The following INPP5A variants were observed in gnomAD, a reference collection of about 807,000 sequenced individuals.
The protein encoded by INPP5A is inositol polyphosphate-5-phosphatase A.
In INPP5A, 14 loss-of-function variants were observed where a neutral mutation model predicts 65.2. That is an observed-to-expected ratio of 0.21 (90% confidence interval 0.14 to 0.34). INPP5A has a LOEUF of 0.34. Among genes scored for constraint, INPP5A ranks in the 10% least tolerant of loss-of-function variants. The pLI is 1.00. For missense variants in INPP5A, 431 were observed against 545.6 expected, an observed-to-expected ratio of 0.79 and a Z score of 2.09; for synonymous variants, 207 against 208.3, an observed-to-expected ratio of 0.99 and a Z score of 0.05.
chr10:132,583,410 T>C (rs1264488589), intron 1 of INPP5A, among the ~76,000 whole-genome samples: 1 of 152,188 alleles, frequency 6.6e-6, no homozygotes, highest in South Asian at 2.1e-4. Flanking sequence ...TCCTGCCTCG[T>C]TGGGCTGGTC....
chr10:132,779,244 CT>C (rs1323377777), intron 13 of INPP5A, among the ~76,000 whole-genome samples: 1 of 152,264 alleles, frequency 6.6e-6, no homozygotes, highest in Admixed American at 6.5e-5. Context: ...GCCACTGCCC[CT>C]CTGGCTGGGC....
chr10:132,603,524 C>T lies in INPP5A; in HGVS notation c.76-4391C>T, dbSNP rs563200813. ...GAGAAACAGACACTGAAGTGAAACT[C>T]AAGGAACTTCTGAATTTGAGATAAA... On this transcript the variant is annotated intron_variant, in intron 1 of 15. Coordinates refer to ENST00000368594, the MANE Select transcript of INPP5A (RefSeq NM_005539.5). The surrounding 1 kb of genome is among the most constrained non-coding windows in gnomAD (Gnocchi z 4.2). Among the ~76,000 whole-genome samples, 1 of 152,184 alleles carries T rather than the reference C, an allele frequency of 6.6e-6. No homozygotes were observed. Among genetic ancestry groups the T allele is most frequent in the African/African-American group, 2.4e-5 (1 of 41,440 alleles).
In INPP5A at chr10:132,782,862, A is replaced by C. The variant is rs1591013229; in HGVS notation, c.*833A>C. Reference sequence around the variant, plus strand: ...CATGCCGTTCTTCTGTGTAATATTAAGAACTGAATGTGAAGTTTATAGCTA... The same window carrying C: ...CATGCCGTTCTTCTGTGTAATATTACGAACTGAATGTGAAGTTTATAGCTA... On this transcript the variant is annotated 3_prime_UTR_variant, in exon 16 of 16. Coordinates refer to ENST00000368594, the MANE Select transcript of INPP5A (RefSeq NM_005539.5). The surrounding 1 kb of genome is among the most constrained non-coding windows in gnomAD (Gnocchi z 4.4). The C allele has an allele frequency of 6.6e-6, 1 of 152,366 alleles. No homozygotes were observed. The highest frequency in any genetic ancestry group is 1.9e-4 in the East Asian group (1 of 5,188). The allele number at this position is 152,366 out of a possible 1,614,324, so 9.4% of individuals were successfully genotyped here.
intron 3 of INPP5A, among the ~76,000 whole-genome samples, chr10:132,648,963 A>G (rs973699094): frequency 1.3e-5 from 2 of 151,968 alleles, no homozygotes; most frequent in African/African-American, 4.8e-5. Flanking sequence ...TTTAAATACT[A>G]TTTTTCTTTT....
intron 9 of INPP5A, among the ~76,000 whole-genome samples, chr10:132,747,749 T>C (rs192916779): frequency 4.7e-4 from 71 of 152,298 alleles, no homozygotes; most frequent in African/African-American, 1.7e-3. Context: ...ATTATTTTCT[T>C]AAAAAAACAG....
rs1249151578 is a variant in INPP5A, at chr10:132,768,237, G to A, written c.977+2391G>A. On this transcript the variant is annotated intron_variant, in intron 12 of 15. Transcript: ENST00000368594. ...AGATCTGTGGACCCCGACCCTCAGC[G>A]TTCCCAGGGTGCCCACGCGCCCAGT... 2.1e-5 allele frequency among the ~76,000 whole-genome samples: 3 copies of A among 139,856 alleles called. No individual in the cohort carries two copies. The South Asian group carries it at 7.1e-4, about 33-fold the overall frequency. 91.8% of individuals were successfully genotyped at this position (139,856 alleles called of 152,430 possible). A position where few individuals can be genotyped will look rare whatever the true frequency, so the allele number is the denominator to read the frequency against.
chr10:132,779,191 A>G (rs1847116175), intron 13 of INPP5A, among the ~76,000 whole-genome samples: 1 of 152,234 alleles, frequency 6.6e-6, no homozygotes, highest in Non-Finnish European at 1.5e-5. Context: ...CACAAGCCCA[A>G]AAGCCCAGGA....
At chr10:132,556,490 C>T (rs2071128505) in intron 1 of INPP5A, among the ~76,000 whole-genome samples, 1 of 152,216 alleles carries the variant, frequency 6.6e-6, no homozygotes, top group Non-Finnish European at 1.5e-5. Context: ...ACACCACAGG[C>T]ACACACATGC....
intron 1 of INPP5A, among the ~76,000 whole-genome samples, chr10:132,541,949 G>A (rs541027663): frequency 2.6e-5 from 4 of 152,346 alleles, no homozygotes; most frequent in African/African-American, 9.6e-5. Flanking sequence ...TGTCACTACT[G>A]GTTTGCTTGG....
chr10:132,570,181 A>G (rs1301083315), intron 1 of INPP5A, among the ~76,000 whole-genome samples: 3 of 152,044 alleles, frequency 2.0e-5, no homozygotes, highest in Non-Finnish European at 4.4e-5. Flanking sequence ...TCCTGACCTC[A>G]GGTGATCCAC....
Position 132,705,451 on chromosome 10 carries a change from G to A in INPP5A, c.475-2862G>A, listed in dbSNP as rs552764661. Among the ~76,000 whole-genome samples, 23 of 152,356 alleles carry A rather than the reference G, an allele frequency of 1.5e-4. No homozygotes were observed. The highest frequency in any genetic ancestry group is 3.2e-4 in the Non-Finnish European group (22 of 68,036). On this transcript the variant is annotated intron_variant, in intron 6 of 15. Coordinates refer to ENST00000368594, the MANE Select transcript of INPP5A (RefSeq NM_005539.5). This position sits in a 1 kb window ranked among gnomAD's most constrained non-coding sequence, Gnocchi z 4.9. ...CCCATGTTGTTTGGCAAGCAGGGCA[G>A]CCTGAGCACAGCAGGGGATGTGGGC... is the stretch of plus-strand genomic sequence containing the variant.
At chr10:132,544,693 A>G (rs2133244202) in intron 1 of INPP5A, among the ~76,000 whole-genome samples, 1 of 151,224 alleles carries the variant, frequency 6.6e-6, no homozygotes, top group East Asian at 2.0e-4. Flanking sequence ...TGATTTTTAG[A>G]CTTTTGGAAT....
At chr10:132,560,000 C>T (rs886275859) in intron 1 of INPP5A, among the ~76,000 whole-genome samples, 1 of 152,198 alleles carries the variant, frequency 6.6e-6, no homozygotes, top group Non-Finnish European at 1.5e-5. Flanking sequence ...GTGTCTCCAG[C>T]TCTCTTGGGT....
chr10:132,600,999 G>A (rs1345220499), intron 1 of INPP5A, among the ~76,000 whole-genome samples: 1 of 152,186 alleles, frequency 6.6e-6, no homozygotes, highest in Non-Finnish European at 1.5e-5. Context: ...CAGGAATATA[G>A]CCAGCAGTGG....
chr10:132,711,203 C>T (rs534302441), intron 8 of INPP5A, among the ~76,000 whole-genome samples: 14 of 152,306 alleles, frequency 9.2e-5, no homozygotes, highest in Admixed American at 4.6e-4. Flanking sequence ...GGGCCCCTGC[C>T]CCCCAGTGCT....
chr10:132,782,975 A>G lies in INPP5A; in HGVS notation c.*946A>G, dbSNP rs1295673948. 1 of 152,408 alleles carries G rather than the reference A, an allele frequency of 6.6e-6. No homozygotes were observed. The highest frequency in any genetic ancestry group is 2.4e-5 in the African/African-American group (1 of 41,448). 9.4% of individuals were successfully genotyped at this position (152,408 alleles called of 1,614,324 possible). A position where few individuals can be genotyped will look rare whatever the true frequency, so the allele number is the denominator to read the frequency against. On this transcript the variant is annotated 3_prime_UTR_variant, in exon 16 of 16. Coordinates refer to ENST00000368594, the MANE Select transcript of INPP5A (RefSeq NM_005539.5). This position sits in a 1 kb window ranked among gnomAD's most constrained non-coding sequence, Gnocchi z 4.4. ...GTGCCAAGTATCCTACGTTACAACA[A>G]TAATATCATGGGAGAAATAGAAATA...
chr10:132,671,377 G>A (rs1167078968), intron 4 of INPP5A, among the ~76,000 whole-genome samples: 1 of 148,442 alleles, frequency 6.7e-6, no homozygotes, highest in African/African-American at 2.5e-5. Context: ...TCCCTGCTTC[G>A]GACTCCGCCC....
chr10:132,771,760 C>T, intron 12 of INPP5A, among the ~76,000 whole-genome samples: 1 of 116,484 alleles, frequency 8.6e-6, no homozygotes, highest in Non-Finnish European at 1.9e-5. Flanking sequence ...CCACAGCAGC[C>T]ACCCCATGAA....
chr10:132,547,455 T>C lies in INPP5A; in HGVS notation c.75+9284T>C, dbSNP rs985870964. Among the ~76,000 whole-genome samples, 56 of 152,196 alleles carry C rather than the reference T, an allele frequency of 3.7e-4. 1 individual carries two copies. Among genetic ancestry groups the C allele is most frequent in the Admixed American group, 3.7e-3 (56 of 15,294 alleles). The stretch of plus-strand genomic sequence containing the variant: ...GCAGTGCACTCGGCTGCCTAGGTGG[T>C]GTGAGGTTCTGTGAGCCCGGGCCCA... On this transcript the variant is annotated intron_variant, in intron 1 of 15. Transcript: ENST00000368594. The surrounding 1 kb of genome is among the most constrained non-coding windows in gnomAD (Gnocchi z 5.5).
Sources: gnomAD v4.1 joint callset for allele counts (sites outside exome capture counted in the v4.1 genomes callset) on GRCh38, gnomAD v4.1.1 for gene constraint, Gnocchi (gnomAD v3.1) non-coding constraint, MANE v1.5 for transcripts, NCBI Gene and HGNC (gene_info 2026-07-23, HGNC 2026-07-21) for gene names.